CDC42SE2: variants seen among roughly 807,000 people sequenced by gnomAD.
The protein encoded by CDC42SE2 is CDC42 small effector 2.
CDC42SE2 carries 3 observed loss-of-function variants against 11.5 expected under a neutral mutation model. The observed-to-expected ratio is 0.26, with a 90% CI of 0.12 to 0.67. The LOEUF (loss-of-function observed/expected upper bound fraction) is 0.67, where lower values mean the gene tolerates loss of function less well. Ranked by LOEUF, CDC42SE2 falls within the 30% of genes least tolerant of loss-of-function variation. The pLI is 0.80. For missense variants in CDC42SE2, 82 were observed against 106.8 expected (o/e 0.77, Z 1.02); for synonymous variants, 33 against 34.8 (o/e 0.95, Z 0.18).
At chr5:131,273,280 C>T (rs1438178054) in intron 1 of CDC42SE2, among the ~76,000 whole-genome samples, 10 of 149,088 alleles carry the variant, frequency 6.7e-5, no homozygotes, top group East Asian at 4.0e-4. Context: ...CTCAGCCTCC[C>T]GAGTACCTGG....
chr5:131,226,170 C>T, the CDC42SE2 span, among the ~76,000 whole-genome samples: 5 of 152,196 alleles, frequency 3.3e-5, no homozygotes, highest in Admixed American at 6.5e-5. Flanking sequence ...TAACCAGAAA[C>T]GATTGTCTTG....
At chr5:131,267,620 AATG>A (rs1756896961) in intron 1 of CDC42SE2, among the ~76,000 whole-genome samples, 1 of 152,204 alleles carries the variant, frequency 6.6e-6, no homozygotes, top group Non-Finnish European at 1.5e-5. Flanking sequence ...AGTGATTAAT[AATG>A]ATACTAACAT....
At chr5:131,211,519 C>T in the CDC42SE2 span, among the ~76,000 whole-genome samples, 2 of 152,328 alleles carry the variant, frequency 1.3e-5, no homozygotes, top group African/African-American at 4.8e-5. Flanking sequence ...ATTCTTTCCT[C>T]ATGTGTCTTG....
chr5:131,316,272 A>G (rs1758037508), intron 2 of CDC42SE2, 128 bp downstream of exon 2: 1 of 152,388 alleles, frequency 6.6e-6, no homozygotes. Context: ...ACAGCAGTGC[A>G]GTTTAAGGGA....
At chr5:131,259,298 T>G (rs1220156782), upstream of CDC42SE2, among the ~76,000 whole-genome samples, 1 of 152,230 alleles carries the variant, frequency 6.6e-6, no homozygotes, top group Non-Finnish European at 1.5e-5. Context: ...ATAGATATAC[T>G]GTATGTTGTA....
chr5:131,327,041 T>C (rs1580755789), intron 2 of CDC42SE2, among the ~76,000 whole-genome samples: 1 of 152,236 alleles, frequency 6.6e-6, no homozygotes, highest in Non-Finnish European at 1.5e-5. Context: ...TATACTAATT[T>C]GTCTTTAAAT....
At chr5:131,346,195 G>T (rs1437398550) in intron 2 of CDC42SE2, among the ~76,000 whole-genome samples, 4 of 152,146 alleles carry the variant, frequency 2.6e-5, no homozygotes, top group Non-Finnish European at 5.9e-5. Flanking sequence ...CCAATTAAAA[G>T]ACACAGACTG....
intron 1 of CDC42SE2, among the ~76,000 whole-genome samples, chr5:131,296,359 A>G (rs978129032): frequency 1.3e-5 from 2 of 152,212 alleles, no homozygotes; most frequent in Admixed American, 1.3e-4. Context: ...ACAAGGTATC[A>G]CAAACTAGGT....
chr5:131,355,663 C>T (rs1223243878), intron 2 of CDC42SE2, among the ~76,000 whole-genome samples: 4 of 151,866 alleles, frequency 2.6e-5, no homozygotes, highest in South Asian at 2.1e-4. Flanking sequence ...ACAAACTGAG[C>T]GTACTTAATA....
At chr5:131,389,809 T>G (rs981132846) in intron 4 of CDC42SE2, among the ~76,000 whole-genome samples, 4 of 152,182 alleles carry the variant, frequency 2.6e-5, no homozygotes, top group African/African-American at 9.7e-5. Flanking sequence ...AAATAAATAC[T>G]CGACCACATT....
At chr5:131,347,386 C>G (rs1243145295) in intron 2 of CDC42SE2, among the ~76,000 whole-genome samples, 2 of 152,164 alleles carry the variant, frequency 1.3e-5, no homozygotes, top group Non-Finnish European at 2.9e-5. Context: ...TGCAAATAAA[C>G]TAGAAAATCT....
the CDC42SE2 span, among the ~76,000 whole-genome samples, chr5:131,233,243 A>C: frequency 6.6e-6 from 1 of 152,114 alleles, no homozygotes; most frequent in Non-Finnish European, 1.5e-5. Context: ...TTTATAATTT[A>C]TATAAATATT....
At chr5:131,278,671 C>T (rs1220969281) in intron 1 of CDC42SE2, among the ~76,000 whole-genome samples, 1 of 134,512 alleles carries the variant, frequency 7.4e-6, no homozygotes, top group African/African-American at 2.8e-5. Context: ...TTTTTATAGA[C>T]AAAAAAAATG....
chr5:131,286,388 T>G (rs1389011907), intron 1 of CDC42SE2, among the ~76,000 whole-genome samples: 1 of 147,140 alleles, frequency 6.8e-6, no homozygotes, highest in Non-Finnish European at 1.5e-5. Flanking sequence ...CTGGCCAGTT[T>G]TTTTTTTTTT....
chr5:131,326,743 TA>T (rs1334051863), intron 2 of CDC42SE2, among the ~76,000 whole-genome samples: 1 of 152,154 alleles, frequency 6.6e-6, no homozygotes. Context: ...TCCTTCTTGA[TA>T]TTTTTTACCT....
At chr5:131,367,709 T>TA (rs1193198249) in intron 3 of CDC42SE2, among the ~76,000 whole-genome samples, 2 of 152,226 alleles carry the variant, frequency 1.3e-5, no homozygotes, top group African/African-American at 4.8e-5. Context: ...ACTTCCCTCT[T>TA]ACGTTCTGAA....
chr5:131,379,457 G>A (rs1750256172), intron 3 of CDC42SE2, among the ~76,000 whole-genome samples: 1 of 152,212 alleles, frequency 6.6e-6, no homozygotes, highest in South Asian at 2.1e-4. Flanking sequence ...TGCCAGAAAT[G>A]TGAGGGAGGT....
At chr5:131,309,513 A>G (rs1757854241) in intron 1 of CDC42SE2, among the ~76,000 whole-genome samples, 1 of 150,882 alleles carries the variant, frequency 6.6e-6, no homozygotes, top group Admixed American at 6.6e-5. Context: ...ATAGTTTCAG[A>G]AGGAATGGTA....
chr5:131,320,575 C>A (rs1370850499), intron 2 of CDC42SE2, among the ~76,000 whole-genome samples: 1 of 151,832 alleles, frequency 6.6e-6, no homozygotes, highest in African/African-American at 2.4e-5. Context: ...AACCCCATAT[C>A]TGCTAAAAAT....
Sources: gnomAD v4.1 joint callset for allele counts (sites outside exome capture counted in the v4.1 genomes callset) on GRCh38, gnomAD v4.1.1 for gene constraint, MANE v1.5 for transcripts, NCBI Gene and HGNC (gene_info 2026-07-23, HGNC 2026-07-21) for gene names.